Variants in RPS27A observed in about 807,000 individuals in gnomAD.
RPS27A encodes ubiquitin-ribosomal protein eS31 fusion protein.
A neutral mutation model predicts 18.9 loss-of-function variants in RPS27A; 1 was observed. That is an observed-to-expected ratio of 0.05 (90% CI 0.02 to 0.25). The LOEUF (loss-of-function observed/expected upper bound fraction) is 0.25, where lower values mean the gene tolerates loss of function less well. Ranked by LOEUF, RPS27A falls within the 10% of genes least tolerant of loss-of-function variation. RPS27A has a pLI of 1.00. For missense variants in RPS27A, 123 were observed against 187.4 expected (o/e 0.66, Z 2.01); for synonymous variants, 77 against 63.7 (o/e 1.21, Z -0.99).
chr2:55,234,592 T>C, intron 4 of RPS27A: 1 of 582,554 alleles, frequency 1.7e-6, no homozygotes, highest in Non-Finnish European at 3.1e-6. Flanking sequence ...TGAGAAGCAC[T>C]GCTATAGTTC....
At chr2:55,234,356 G>A in intron 4 of RPS27A, 152 bp downstream of exon 4, 1 of 670,460 alleles carries the variant, frequency 1.5e-6, no homozygotes, top group South Asian at 1.7e-5. Flanking sequence ...GACTCAGGTG[G>A]TCCTCCCACC....
chr2:55,235,387 G>T, intron 5 of RPS27A, 41 bp from the exon 6 acceptor site: 1 of 1,607,028 alleles, frequency 6.2e-7, no homozygotes, highest in African/African-American at 1.3e-5. Context: ...ACTTCAGAAT[G>T]TGTTGTAAAA....
Position 55,234,177 on chromosome 2 carries a change from T to G in RPS27A, c.162T>G (p.Arg54=). 1.2e-6 allele frequency: 2 copies of G among 1,611,666 alleles called. No individual in the cohort carries two copies. Among genetic ancestry groups the G allele is most frequent in the Non-Finnish European group, 1.7e-6 (2 of 1,177,764 alleles). ...CTGGCAAGCAGCTGGAAGATGGACG[T>G]ACTTTGTCTGACTACAATATTCAAA... is the stretch of plus-strand genomic sequence containing the variant. The part of the protein sequence containing the change: ...IFAGKQLEDG[R]TLSDYNIQKE... The change falls in exon 4 of 6, where the codon CGT becomes CGG. Residue 54 remains arginine (R), a synonymous_variant. Transcript: ENST00000272317.
chr2:55,234,410 C>G (rs2104222967), intron 4 of RPS27A: 2 of 601,290 alleles, frequency 3.3e-6, no homozygotes, highest in East Asian at 2.8e-5. Context: ...CCACCATGCC[C>G]AGGCTGGTCT....
chr2:55,233,091 G>T (rs1238982134), intron 2 of RPS27A: 1 of 646,514 alleles, frequency 1.5e-6, no homozygotes, highest in South Asian at 1.8e-5. Context: ...CAGCTAGTTA[G>T]TTAAAACGGA....
chr2:55,234,088 C>T (rs760865486), intron 3 of RPS27A, 31 bp from the exon 4 acceptor site: 18 of 1,451,334 alleles, frequency 1.2e-5, no homozygotes, highest in African/African-American at 4.2e-5. Flanking sequence ...GCTTGGTGTG[C>T]TGTGACTTAA....
Position 55,234,738 on chromosome 2 carries a change from T to C in RPS27A, c.190-93T>C, listed in dbSNP as rs567492003. The C allele has an allele frequency of 1.1e-4, 150 of 1,419,676 alleles. 1 individual carries two copies. The South Asian group carries it at 1.7e-3, about 16-fold the overall frequency. The allele number at this position is 1,419,676 out of a possible 1,614,324, so 87.9% of individuals were successfully genotyped here. On this transcript the variant is annotated intron_variant, in intron 4 of 5. Coordinates refer to ENST00000272317, the MANE Select transcript of RPS27A (RefSeq NM_002954.6). ...CAAGATTCCCTCAAATGTTATTGTG[T>C]GCTGCTACTGCTTTTAATTAGAAAA...
At position 55,234,233 on chromosome 2, in the gene RPS27A, TAAAAA is replaced by T. The variant is rs112330410; in HGVS notation, c.189+35_189+39del. 6 of 1,393,258 alleles carry T rather than the reference TAAAAA, an allele frequency of 4.3e-6. No individual in the cohort carries two copies. The East Asian group carries it at 9.5e-5, about 22-fold the overall frequency. The allele number at this position is 1,393,258 out of a possible 1,614,324, so 86.3% of individuals were successfully genotyped here. On this transcript the variant is annotated intron_variant, in intron 4 of 5. Coordinates refer to ENST00000272317, the MANE Select transcript of RPS27A (RefSeq NM_002954.6). ...TGTCTAGGGGAAGAGCAGCCTCTTT[TAAAAA>T]AAAAATGTTATTTTGGAAATTTTTT... is the stretch of plus-strand genomic sequence containing the variant.
intron 5 of RPS27A, 56 bp from the exon 6 acceptor site, chr2:55,235,367 CTTAAA>C (rs1675737140): frequency 1.3e-6 from 2 of 1,587,260 alleles, no homozygotes; most frequent in Non-Finnish European, 8.6e-7. Flanking sequence ...TTTTGAGTCA[CTTAAA>C]TTAGACTTCA....
At chr2:55,234,319 C>T (rs926366134) in intron 4 of RPS27A, 115 bp downstream of exon 4, 33 of 763,354 alleles carry the variant, frequency 4.3e-5, no homozygotes, top group Middle Eastern at 3.5e-4. Context: ...GAGTGAGTGG[C>T]GCAGTCACTG....
chr2:55,233,186 A>T, intron 2 of RPS27A, 177 bp from the exon 3 acceptor site: 1 of 695,014 alleles, frequency 1.4e-6, no homozygotes, highest in Non-Finnish European at 2.6e-6. Flanking sequence ...TGGGCTGGGG[A>T]GATGAAGGTG....
At chr2:55,234,714 A>C in intron 4 of RPS27A, 117 bp from the exon 5 acceptor site, 2 of 1,215,902 alleles carry the variant, frequency 1.6e-6, no homozygotes, top group South Asian at 1.3e-5. Context: ...TGGGGGCTGC[A>C]AGATTCCCTC....
Position 55,235,821 on chromosome 2 carries a change from A to T in RPS27A, c.*244A>T. ...TCTTAGACTACCTATACTTTGGCAG[A>T]AGTTATATTTAATGTAAGTTGTCTA... On this transcript the variant is annotated 3_prime_UTR_variant, in exon 6 of 6. Transcript: ENST00000272317. 1 of 552,070 alleles carries T rather than the reference A, an allele frequency of 1.8e-6. No homozygotes were observed. Among genetic ancestry groups the T allele is most frequent in the South Asian group, 2.0e-5 (1 of 49,080 alleles). The allele number at this position is 552,070 out of a possible 1,614,324, so 34.2% of individuals were successfully genotyped here.
upstream of RPS27A, chr2:55,232,228 G>C (rs905627348): frequency 5.7e-6 from 1 of 175,766 alleles, no homozygotes; most frequent in Non-Finnish European, 1.2e-5. Flanking sequence ...CCTACCTCCA[G>C]TCCTCACCTG....
chr2:55,234,748 G>A, intron 4 of RPS27A, 83 bp from the exon 5 acceptor site: 1 of 1,517,318 alleles, frequency 6.6e-7, no homozygotes, highest in South Asian at 1.1e-5. Context: ...TGCTGCTACT[G>A]CTTTTAATTA....
intron 3 of RPS27A, 132 bp downstream of exon 3, chr2:55,233,549 A>C (rs972974873): frequency 9.8e-6 from 7 of 716,002 alleles, no homozygotes; most frequent in Admixed American, 2.0e-5. Context: ...GTGGAATAAC[A>C]CAATAGACAT....
In RPS27A at chr2:55,235,401, T is replaced by C. The variant is rs1296245756; in HGVS notation, c.322-27T>C. ...GACTTCAGAATGTGTTGTAAAATTA[T>C]CTTAACAGCAGGTTTGTGCTTTTCA... On this transcript the variant is annotated intron_variant, in intron 5 of 5. Coordinates refer to ENST00000272317, the MANE Select transcript of RPS27A (RefSeq NM_002954.6). 15 of 1,611,168 alleles carry C rather than the reference T, an allele frequency of 9.3e-6. No individual in the cohort carries two copies. The Admixed American group carries it at 2.0e-4, about 21-fold the overall frequency.
At chr2:55,235,111 C>T in intron 5 of RPS27A, 149 bp downstream of exon 5, 1 of 908,088 alleles carries the variant, frequency 1.1e-6, no homozygotes, top group Non-Finnish European at 1.7e-6. Flanking sequence ...ATGAGAAATT[C>T]AGACTTTCTG....
At chr2:55,234,306 G>A in intron 4 of RPS27A, 102 bp downstream of exon 4, 1 of 812,290 alleles carries the variant, frequency 1.2e-6, no homozygotes, top group Non-Finnish European at 2.1e-6. Flanking sequence ...GTCACCTAGG[G>A]TGGAGTGAGT....
Sources: gnomAD v4.1 joint callset for allele counts on GRCh38, gnomAD v4.1.1 for gene constraint, MANE v1.5 for transcripts, NCBI Gene and HGNC (gene_info 2026-07-23, HGNC 2026-07-21) for gene names.